PKD1: variants seen among roughly 807,000 people sequenced by gnomAD.
The protein encoded by PKD1 is polycystin-1.
A neutral mutation model predicts 361.7 loss-of-function variants in PKD1; 81 were observed. The observed-to-expected ratio is 0.22, with a 90% CI of 0.19 to 0.27. PKD1 has a LOEUF of 0.27. Ranked by LOEUF, PKD1 falls within the 10% of genes least tolerant of loss-of-function variation. The pLI is 1.00. For synonymous variants in PKD1, 3,615 were observed against 2,818.3 expected (o/e 1.28, Z -8.95); for missense variants, 6,399 against 6,118.3 (o/e 1.05, Z -1.53).
rs947585809 is a variant in PKD1, at chr16:2,114,086, G to T, written c.2853+84C>A. 1.0e-5 allele frequency: 12 copies of T among 1,160,692 alleles called. No individual in the cohort carries two copies. The African/African-American group carries it at 1.7e-4, about 16-fold the overall frequency. The allele number at this position is 1,160,692 out of a possible 1,614,324, so 71.9% of individuals were successfully genotyped here. The stretch of plus-strand genomic sequence containing the variant: ...GTAACTGGGCTGCTGCCCTCACTGG[G>T]AAGCCAGGCCTCACGCCCTGTGTGA... On this transcript the variant is annotated intron_variant, in intron 11 of 45. Coordinates refer to ENST00000262304, the MANE Select transcript of PKD1 (RefSeq NM_001009944.3).
chr16:2,103,665 C>T lies in PKD1; in HGVS notation c.8392G>A (p.Gly2798Ser), dbSNP rs139544953. 9.9e-5 allele frequency: 160 copies of T among 1,610,176 alleles called. No homozygotes were observed. The highest frequency in any genetic ancestry group is 2.8e-4 in the Admixed American group (17 of 59,986). The change falls in exon 23 of 46, where the codon GGC becomes AGC. Residue 2798 changes from glycine to serine, a missense_variant. By Grantham distance (56) the Gly-to-Ser change is moderately conservative. Coordinates refer to ENST00000262304, the MANE Select transcript of PKD1 (RefSeq NM_001009944.3). ...AAGTGGCAGCCAGGCCCTGGGGCGC[C>T]GCCATAGCACAGCAGGCTCCGCGGG... Reference protein sequence around the residue: ...SDPRSLLCYGGAPGPGCHFSI... With the variant: ...SDPRSLLCYGSAPGPGCHFSI...
chr16:2,107,083 C>A, intron 16 of PKD1, 135 bp from the exon 17 acceptor site: 1 of 792,790 alleles, frequency 1.3e-6, no homozygotes, highest in Non-Finnish European at 2.1e-6. Context: ...CTCACTCCCT[C>A]CCAGGATACT....
intron 11 of PKD1, among the ~76,000 whole-genome samples, chr16:2,113,560 A>G (rs1765694691): frequency 6.6e-6 from 1 of 151,704 alleles, no homozygotes; most frequent in Admixed American, 6.5e-5. Context: ...ACCAGCTACA[A>G]AGAGTCCACC....
At position 2,109,763 on chromosome 16, in the gene PKD1, C is replaced by T; in HGVS notation, c.5404G>A (p.Val1802Met). The stretch of plus-strand genomic sequence containing the variant: ...CTGGCCCTGATGCTGAGGCCACTCA[C>T]AGGCACCTGCACATCCACTTCCACG... The part of the protein sequence containing the change: ...ATVEVDVQVP[V>M]SGLSIRASEP... Residue 1802 changes from valine (V) to methionine (M), a missense_variant, in exon 15 of 46, where the codon GTG becomes ATG. Transcript: ENST00000262304. The T allele has an allele frequency of 6.2e-7, 1 of 1,609,738 alleles. No homozygotes were observed. Among genetic ancestry groups the T allele is most frequent in the Non-Finnish European group, 8.5e-7 (1 of 1,179,434 alleles).
chr16:2,088,885 A>T lies in PKD1; in HGVS notation c.*842T>A. 1 of 327,848 alleles carries T rather than the reference A, an allele frequency of 3.1e-6. No individual in the cohort carries two copies. Among genetic ancestry groups the T allele is most frequent in the Non-Finnish European group, 6.0e-6 (1 of 166,394 alleles). 20.3% of individuals were successfully genotyped at this position (327,848 alleles called of 1,614,324 possible). A position where few individuals can be genotyped will look rare whatever the true frequency, so the allele number is the denominator to read the frequency against. ...CACACTCGCGCGTGCGCGCGCGCAC[A>T]CACACACACACACAGTCACCTTCCT... On this transcript the variant is annotated 3_prime_UTR_variant, in exon 46 of 46. Coordinates refer to ENST00000262304, the MANE Select transcript of PKD1 (RefSeq NM_001009944.3).
chr16:2,132,348 T>A (rs2092894493), intron 1 of PKD1, among the ~76,000 whole-genome samples: 1 of 150,718 alleles, frequency 6.6e-6, no homozygotes, highest in Non-Finnish European at 1.5e-5. Flanking sequence ...GGTGGGCAGA[T>A]CACGAGGTCA....
In PKD1 at chr16:2,109,122, G is replaced by T. The variant is rs201355262; in HGVS notation, c.6045C>A (p.Gly2015=). 1.2e-6 allele frequency: 2 copies of T among 1,602,946 alleles called. No homozygotes were observed. The highest frequency in any genetic ancestry group is 2.7e-5 in the African/African-American group (2 of 74,770). The change falls in exon 15 of 46, where the codon GGC becomes GGA. Residue 2015 remains glycine, a synonymous_variant. Transcript: ENST00000262304. Reference sequence around the variant, plus strand: ...GGCCCGACAGGATGACCAGCGAGTCGCCCTGGACCTTCTGCAGCGAGAAGT... The same window carrying T: ...GGCCCGACAGGATGACCAGCGAGTCTCCCTGGACCTTCTGCAGCGAGAAGT... ...AWYFSLQKVQ[G]DSLVILSGRD...
intron 14 of PKD1, 81 bp from the exon 15 acceptor site, chr16:2,111,952 G>C: frequency 6.1e-6 from 9 of 1,472,722 alleles, no homozygotes; most frequent in Non-Finnish European, 7.5e-6. Context: ...CCCGCCTGAG[G>C]AGCCCGGGGT....
Position 2,090,103 on chromosome 16 carries a change from C to G in PKD1, c.12536G>C (p.Ser4179Thr). 6.2e-7 allele frequency: 1 copy of G among 1,605,188 alleles called. No individual in the cohort carries two copies. The highest frequency in any genetic ancestry group is 8.5e-7 in the Non-Finnish European group (1 of 1,174,874). ...GGGGTGCGAGGCATCGGAGCCAGCG[C>G]TGGGTGGGGGCACATCCGGGGATAC... ...SKVSPDVPPPSAGSDASHPST... is the reference protein window; with the variant it reads ...SKVSPDVPPPTAGSDASHPST... Residue 4179 changes from serine to threonine, a missense_variant, in exon 46 of 46, where the codon AGC (serine) becomes ACC (threonine). Physicochemically the swap from Ser to Thr is moderately conservative, Grantham distance 58. Coordinates refer to ENST00000262304, the MANE Select transcript of PKD1 (RefSeq NM_001009944.3).
chr16:2,110,848 G>A lies in PKD1; in HGVS notation c.4319C>T (p.Ser1440Phe), dbSNP rs1231715216. ...GGACGCGGTGACTGTCACAAGATAG[G>A]AGCCTGGGTCTCGGTAGATGAACGT... ...EVTFIYRDPG[S>F]YLVTVTASNN... Residue 1440 changes from serine to phenylalanine, a missense_variant, in exon 15 of 46, where the codon TCC becomes TTC. Transcript: ENST00000262304. 2 of 1,611,880 alleles carry A rather than the reference G, an allele frequency of 1.2e-6. No homozygotes were observed. The highest frequency in any genetic ancestry group is 1.1e-5 in the South Asian group (1 of 91,034).
In PKD1 at chr16:2,106,478, G is replaced by A. The variant is rs539143745; in HGVS notation, c.7409C>T (p.Pro2470Leu). 7.5e-5 allele frequency: 119 copies of A among 1,590,082 alleles called. No individual in the cohort carries two copies. The highest frequency in any genetic ancestry group is 6.8e-4 in the Middle Eastern group (3 of 4,416). Reference protein sequence around the residue: ...CASIRLSPNRPPLGGSCRLFP... With the variant: ...CASIRLSPNRLPLGGSCRLFP... ...GAGGCGGCAAGAGCCCCCCAGCGGC[G>A]GGCGGTTGGGGGACAGGCGGATGGA... The change falls in exon 18 of 46, where the codon CCG (proline) becomes CTG (leucine). Residue 2470 changes from proline to leucine, a missense_variant. Physicochemically the swap from Pro to Leu is moderately conservative, Grantham distance 98 (BLOSUM62 -3). Transcript: ENST00000262304. The surrounding 1 kb of genome is among the most constrained non-coding windows in gnomAD (Gnocchi z 6.5).
rs768598788 is a variant in PKD1 at position 2,111,074 on chromosome 16, C to T, written c.4093G>A (p.Val1365Met). The T allele has an allele frequency of 1.2e-5, 20 of 1,610,522 alleles. No individual in the cohort carries two copies. The highest frequency in any genetic ancestry group is 2.2e-4 in the Middle Eastern group (1 of 4,492). The part of the protein sequence containing the change: ...FPLALVLSSR[V>M]NRAHYFTSIC... ...CTGGTGAAGTAATGCGCCCTGTTCA[C>T]GCGGCTGGACAGCACCAGCGCCAGG... Residue 1365 changes from valine to methionine, a missense_variant, in exon 15 of 46, where the codon GTG becomes ATG. Transcript: ENST00000262304.
chr16:2,108,096 G>A (rs539169395), intron 15 of PKD1, 64 bp from the exon 16 acceptor site: 43 of 1,571,076 alleles, frequency 2.7e-5, no homozygotes, highest in East Asian at 1.8e-4. Flanking sequence ...AGCAGAGCCC[G>A]GCCCAGGAGA....
In PKD1 at chr16:2,099,942, G is replaced by C. The variant is rs778455860; in HGVS notation, c.9842C>G (p.Ala3281Gly). Residue 3281 changes from alanine to glycine, a missense_variant, in exon 29 of 46, where the codon GCC becomes GGC. Ala to Gly is a moderately conservative substitution (Grantham distance 60). Coordinates refer to ENST00000262304, the MANE Select transcript of PKD1 (RefSeq NM_001009944.3). Reference sequence around the variant, plus strand: ...GCAGATGAGGAGAACGCAGCAGGTGGCCCTCTGGATGCGAGTGAAACGGCT... The same window carrying C: ...GCAGATGAGGAGAACGCAGCAGGTGCCCCTCTGGATGCGAGTGAAACGGCT... ...PRSRFTRIQRATCCVLLICLF... is the reference protein window; with the variant it reads ...PRSRFTRIQRGTCCVLLICLF... The C allele has an allele frequency of 1.9e-6, 3 of 1,561,854 alleles. No homozygotes were observed. Among genetic ancestry groups the C allele is most frequent in the Non-Finnish European group, 1.7e-6 (2 of 1,154,406 alleles).
intron 34 of PKD1, among the ~76,000 whole-genome samples, chr16:2,095,725 G>C (rs764232230): frequency 2.0e-5 from 3 of 152,254 alleles, no homozygotes; most frequent in African/African-American, 4.8e-5. Context: ...AGCACTGTCC[G>C]AGCAAGGGAC....
In PKD1 at chr16:2,116,126, G is replaced by A. The variant is rs1346125385; in HGVS notation, c.1723-8C>T. ...GCCCGGGAATACCATGACCTGGTGG[G>A]CAGGGGGCCGCCTCAGCTCCACAGA... On this transcript the variant is annotated splice_region_variant and splice_polypyrimidine_tract_variant and intron_variant, in intron 8 of 45. Transcript: ENST00000262304. 2 of 1,556,814 alleles carry A rather than the reference G, an allele frequency of 1.3e-6. No homozygotes were observed. Among genetic ancestry groups the A allele is most frequent in the Non-Finnish European group, 1.7e-6 (2 of 1,147,692 alleles).
intron 1 of PKD1, among the ~76,000 whole-genome samples, chr16:2,122,699 G>T (rs925220604): frequency 1.3e-5 from 2 of 152,228 alleles, no homozygotes; most frequent in Non-Finnish European, 2.9e-5. Context: ...ACCTGAGGAG[G>T]GACTTTCCAG....
At position 2,094,344 on chromosome 16, in the gene PKD1, C is replaced by T. The variant is rs2091751190; in HGVS notation, c.10500-134G>A. The stretch of plus-strand genomic sequence containing the variant: ...TCCCCCCGACAAAAAGCCGGAAGAC[C>T]CTACCCCAAACGAGAGTGGGAGTGG... On this transcript the variant is annotated intron_variant, in intron 34 of 45. Transcript: ENST00000262304. 26 of 697,300 alleles carry T rather than the reference C, an allele frequency of 3.7e-5. 1 individual carries two copies. In the South Asian group the frequency reaches 4.0e-4, roughly 11 times the overall value. The allele number at this position is 697,300 out of a possible 1,614,324, so 43.2% of individuals were successfully genotyped here.
Position 2,114,575 on chromosome 16 carries a change from G to A in PKD1, c.2448C>T (p.Asp816=), listed in dbSNP as rs145389043. ...VSRHNLSCSF[D]VVSPVAGLRV... ...GCAGCCCAGCCACTGGGGAGACCAC[G>A]TCAAAGCTGCAGGAGAGGTTGTGCC... The change falls in exon 11 of 46, where the codon GAC becomes GAT. Residue 816 remains aspartate (D), a synonymous_variant. Transcript: ENST00000262304. The A allele has an allele frequency of 3.5e-5, 56 of 1,594,066 alleles. No homozygotes were observed. Among genetic ancestry groups the A allele is most frequent in the South Asian group, 7.7e-5 (7 of 90,718 alleles).
Sources: allele counts gnomAD v4.1 joint callset (sites outside exome capture counted in the v4.1 genomes callset), GRCh38; gene constraint gnomAD v4.1.1; non-coding constraint Gnocchi (gnomAD v3.1); transcripts MANE v1.5; gene names NCBI Gene and HGNC (gene_info 2026-07-23, HGNC 2026-07-21).